Variants in PNPLA2 observed in about 807,000 individuals in gnomAD.
PNPLA2 encodes patatin-like phospholipase domain-containing protein 2.
A neutral mutation model predicts 39.7 loss-of-function variants in PNPLA2; 28 were observed. The observed-to-expected ratio is 0.70, with a 90% CI of 0.52 to 0.97. The LOEUF (loss-of-function observed/expected upper bound fraction) is 0.97. PNPLA2 is among the 50% of genes least tolerant of loss of function. PNPLA2 has a pLI of 0.00. For missense variants in PNPLA2, 768 were observed against 698.2 expected (o/e 1.10, Z -1.13); for synonymous variants, 392 against 321.1 (o/e 1.22, Z -2.36).
rs770478004 is a variant in PNPLA2 at position 823,878 on chromosome 11, G to T, written c.919+23G>T. ...AGGGTGCGCACCTGGGGGACGGGAG[G>T]GGAGGAGGGGAGGCAGGAGGGAAAG... On this transcript the variant is annotated intron_variant, in intron 7 of 9. Transcript: ENST00000336615. 10 of 1,564,830 alleles carry T rather than the reference G, an allele frequency of 6.4e-6. No homozygotes were observed. In the Middle Eastern group the frequency reaches 6.7e-4, roughly 104 times the overall value.
At chr11:820,013 T>TG (rs1305660704) in intron 2 of PNPLA2, 108 bp downstream of exon 2, 2 of 841,416 alleles carry the variant, frequency 2.4e-6, no homozygotes, top group African/African-American at 3.7e-5. Context: ...GTGGGTACCG[T>TG]GGGGAGGGTT....
In PNPLA2 at chr11:823,698, C is replaced by T. The variant is rs1565088615; in HGVS notation, c.762C>T (p.Leu254=). 6.2e-7 allele frequency: 1 copy of T among 1,606,858 alleles called. No individual in the cohort carries two copies. The highest frequency in any genetic ancestry group is 8.5e-7 in the Non-Finnish European group (1 of 1,177,300). Residue 254 remains leucine (L), a synonymous_variant, in exon 7 of 10, where the codon CTC becomes CTT. Coordinates refer to ENST00000336615, the MANE Select transcript of PNPLA2 (RefSeq NM_020376.4). ...DGLRFLQRNG[L]LNRPNPLLAL... ...CCCTTCTCTCCCCAACCCCAGGCCT[C>T]CTGAACCGGCCCAACCCCTTGCTGG... is the stretch of plus-strand genomic sequence containing the variant.
At position 825,027 on chromosome 11, in the gene PNPLA2, G is replaced by T; in HGVS notation, c.*165G>T. On this transcript the variant is annotated 3_prime_UTR_variant, in exon 10 of 10. Coordinates refer to ENST00000336615, the MANE Select transcript of PNPLA2 (RefSeq NM_020376.4). The stretch of plus-strand genomic sequence containing the variant: ...GGGGAGGTTTCCACACCCCTCCCCT[G>T]GGCCGCTGAGGCCCCGCGCACCTGT... 1.5e-6 allele frequency: 1 copy of T among 685,894 alleles called. No individual in the cohort carries two copies. 42.5% of individuals were successfully genotyped at this position (685,894 alleles called of 1,614,324 possible). A position where few individuals can be genotyped will look rare whatever the true frequency, so the allele number is the denominator to read the frequency against.
chr11:824,733 C>A lies in PNPLA2; in HGVS notation c.1386C>A (p.Arg462=). The stretch of plus-strand genomic sequence containing the variant: ...TCCCGCCCGAAGCTCTGCGCATGCG[C>A]GCACCCGCCGACCCGGCTCCCGCCC... ...VAFPPEALRM[R]APADPAPAPA... The change falls in exon 10 of 10, where the codon CGC becomes CGA. Residue 462 remains arginine, a synonymous_variant. Coordinates refer to ENST00000336615, the MANE Select transcript of PNPLA2 (RefSeq NM_020376.4). 1.3e-6 allele frequency: 2 copies of A among 1,563,626 alleles called. No individual in the cohort carries two copies. The highest frequency in any genetic ancestry group is 1.7e-6 in the Non-Finnish European group (2 of 1,162,402).
At position 824,694 on chromosome 11, in the gene PNPLA2, C is replaced by T; in HGVS notation, c.1347C>T (p.Cys449=). 6.3e-7 allele frequency: 1 copy of T among 1,595,350 alleles called. No homozygotes were observed. Among genetic ancestry groups the T allele is most frequent in the Non-Finnish European group, 8.5e-7 (1 of 1,177,512 alleles). ...CQRQLLLGLF[C]TNVAFPPEAL... ...GCCAGCTGCTGCTCGGCCTCTTCTGCACCAACGTGGCCTTCCCGCCCGAAG... is the reference window on the plus strand; with the variant it reads ...GCCAGCTGCTGCTCGGCCTCTTCTGTACCAACGTGGCCTTCCCGCCCGAAG... The change falls in exon 10 of 10, where the codon TGC becomes TGT. Residue 449 remains cysteine, a synonymous_variant. Coordinates refer to ENST00000336615, the MANE Select transcript of PNPLA2 (RefSeq NM_020376.4).
chr11:824,209 G>A, intron 8 of PNPLA2, 79 bp downstream of exon 8: 1 of 1,546,190 alleles, frequency 6.5e-7, no homozygotes, highest in Admixed American at 1.9e-5. Flanking sequence ...TACCAGGGAA[G>A]GTGGGGTGGG....
chr11:822,462 G>T lies in PNPLA2; in HGVS notation c.552G>T (p.Val184=). 1.9e-6 allele frequency: 3 copies of T among 1,614,090 alleles called. No individual in the cohort carries two copies. The highest frequency in any genetic ancestry group is 1.7e-6 in the Non-Finnish European group (2 of 1,180,000). Residue 184 remains valine, a synonymous_variant, in exon 5 of 10, where the codon GTG becomes GTT. Transcript: ENST00000336615. ...PLYELKNTIT[V]SPFSGESDIC... ...ATGAGCTTAAGAACACCATCACAGTGTCCCCCTTCTCGGGCGAGAGTGACA... is the reference window on the plus strand; with the variant it reads ...ATGAGCTTAAGAACACCATCACAGTTTCCCCCTTCTCGGGCGAGAGTGACA...
At chr11:821,153 C>G (rs1388123511) in intron 2 of PNPLA2, 4 of 224,938 alleles carry the variant, frequency 1.8e-5, no homozygotes, top group Admixed American at 1.0e-4. Context: ...GGGGTGCTTC[C>G]TCTTGGCTGC....
Position 825,106 on chromosome 11 carries a change from C to A in PNPLA2, c.*244C>A, listed in dbSNP as rs1845847585. On this transcript the variant is annotated 3_prime_UTR_variant, in exon 10 of 10. Coordinates refer to ENST00000336615, the MANE Select transcript of PNPLA2 (RefSeq NM_020376.4). ...CGAGCACCTCCCCCGCCCCTTTACT[C>A]CTGAGAACTTTGCAGCTGCCCTTCC... 1.4e-5 allele frequency: 8 copies of A among 575,764 alleles called. No homozygotes were observed. The East Asian group carries it at 2.4e-4, about 17-fold the overall frequency. The allele number at this position is 575,764 out of a possible 1,614,324, so 35.7% of individuals were successfully genotyped here.
intron 6 of PNPLA2, 45 bp from the exon 7 acceptor site, chr11:823,649 C>T (rs772098939): frequency 2.6e-5 from 42 of 1,600,108 alleles, no homozygotes; most frequent in Non-Finnish European, 3.2e-5. Context: ...CTGCGGGCCG[C>T]GGCCGCGCTG....
intron 4 of PNPLA2, 91 bp from the exon 5 acceptor site, chr11:822,306 G>T: frequency 1.7e-6 from 2 of 1,176,062 alleles, no homozygotes. Flanking sequence ...CACTGAATGG[G>T]GCCCTTGGTG....
Position 825,435 on chromosome 11 carries a change from CCT to C in PNPLA2, c.*574_*575del, listed in dbSNP as rs1845858300. On this transcript the variant is annotated 3_prime_UTR_variant, in exon 10 of 10. Coordinates refer to ENST00000336615, the MANE Select transcript of PNPLA2 (RefSeq NM_020376.4). ...AACGTACTGCATTCCTGCCGACCCC[CCT>C]GTCTAGGATGCATCCACACCCCCCC... The C allele has an allele frequency of 6.2e-6, 1 of 161,412 alleles. No individual in the cohort carries two copies. The highest frequency in any genetic ancestry group is 1.3e-5 in the Non-Finnish European group (1 of 74,658). The allele number at this position is 161,412 out of a possible 1,614,324, so 10.0% of individuals were successfully genotyped here.
At chr11:823,958 C>T (rs1330386155) in intron 7 of PNPLA2, 40 bp from the exon 8 acceptor site, 4 of 1,561,780 alleles carry the variant, frequency 2.6e-6, no homozygotes, top group Non-Finnish European at 2.6e-6. Flanking sequence ...TCCTGGGCCC[C>T]GCTGCCTCCA....
In PNPLA2 at chr11:823,872, CGGGAGGGG is replaced by C. The variant is rs749238781; in HGVS notation, c.919+18_919+25del. 3.3e-5 allele frequency: 52 copies of C among 1,571,804 alleles called. No individual in the cohort carries two copies. The South Asian group carries it at 5.5e-4, about 17-fold the overall frequency. Reference sequence around the variant, plus strand: ...TCAATGAGGGTGCGCACCTGGGGGACGGGAGGGGAGGAGGGGAGGCAGGAGGGAAAGAG... The same window carrying C: ...TCAATGAGGGTGCGCACCTGGGGGACAGGAGGGGAGGCAGGAGGGAAAGAG... On this transcript the variant is annotated intron_variant, in intron 7 of 9. Transcript: ENST00000336615.
At chr11:823,480 CG>C in intron 5 of PNPLA2, 46 bp from the exon 6 acceptor site, 1 of 1,551,472 alleles carries the variant, frequency 6.4e-7, no homozygotes, top group Non-Finnish European at 8.8e-7. Flanking sequence ...AGGGGCAGAA[CG>C]GGCATCCCTG....
At chr11:820,793 C>T (rs1320358216) in intron 2 of PNPLA2, 2 of 152,220 alleles carry the variant, frequency 1.3e-5, no homozygotes, top group Non-Finnish European at 2.9e-5. Flanking sequence ...TGGGAACAGC[C>T]CCCTCCAGCC....
In PNPLA2 at chr11:824,745, C is replaced by A. The variant is rs1410429654; in HGVS notation, c.1398C>A (p.Asp466Glu). The change falls in exon 10 of 10, where the codon GAC (aspartate) becomes GAA (glutamate). Residue 466 changes from aspartate (D) to glutamate (E), a missense_variant. Physicochemically the swap from Asp to Glu is conservative, Grantham distance 45. Transcript: ENST00000336615. ...PEALRMRAPA[D>E]PAPAPADPAS... ...CTCTGCGCATGCGCGCACCCGCCGACCCGGCTCCCGCCCCCGCGGACCCAG... is the reference window on the plus strand; with the variant it reads ...CTCTGCGCATGCGCGCACCCGCCGAACCGGCTCCCGCCCCCGCGGACCCAG... The A allele has an allele frequency of 1.3e-6, 2 of 1,573,830 alleles. No homozygotes were observed. Among genetic ancestry groups the A allele is most frequent in the South Asian group, 1.1e-5 (1 of 87,882 alleles).
Position 821,834 on chromosome 11 carries a change from T to G in PNPLA2, c.394T>G (p.Phe132Val), listed in dbSNP as rs756888314. The stretch of plus-strand genomic sequence containing the variant: ...CGGCGAGAATGTCATTATATCCCAC[T>G]TCAACTCCAAGGACGAGCTCATCCA... ...SDGENVIISH[F>V]NSKDELIQAN... is the part of the protein sequence containing the mutation. The change falls in exon 3 of 10, where the codon TTC becomes GTC. Residue 132 changes from phenylalanine to valine, a missense_variant. Transcript: ENST00000336615. 1 of 1,613,896 alleles carries G rather than the reference T, an allele frequency of 6.2e-7. No individual in the cohort carries two copies. The highest frequency in any genetic ancestry group is 1.1e-5 in the South Asian group (1 of 91,086).
chr11:821,090 C>G (rs1425416374), intron 2 of PNPLA2: 1 of 196,800 alleles, frequency 5.1e-6, no homozygotes, highest in African/African-American at 2.4e-5. Flanking sequence ...CCGACCACTT[C>G]CAGGGACTAT....
Sources: allele counts gnomAD v4.1 joint callset, GRCh38; gene constraint gnomAD v4.1.1; transcripts MANE v1.5; gene names NCBI Gene and HGNC (gene_info 2026-07-23, HGNC 2026-07-21).